The following SSC4D variants were observed in gnomAD, a reference collection of about 807,000 sequenced individuals.
SSC4D encodes the protein scavenger receptor cysteine-rich domain-containing group B protein.
A neutral mutation model predicts 63.4 loss-of-function variants in SSC4D; 57 were observed. The ratio of observed to expected loss-of-function variants is 0.90; its 90% CI spans 0.73 to 1.12. The LOEUF is 1.12. SSC4D is among the 50% of genes most tolerant of loss of function. The pLI is 0.00. For synonymous variants in SSC4D, 352 were observed against 345.4 expected (o/e 1.02, Z -0.21); for missense variants, 791 against 806.4 (o/e 0.98, Z 0.23).
At chr7:76,403,369 G>A (rs10228911) in intron 2 of SSC4D, among the ~76,000 whole-genome samples, 39,597 of 137,026 alleles carry the variant, frequency 0.29, 5,511 homozygotes, top group East Asian at 0.43. Context: ...ACAGAGTCTC[G>A]CCCTGTCACT....
intron 9 of SSC4D, 141 bp downstream of exon 9, chr7:76,393,264 G>A: frequency 8.0e-6 from 7 of 874,348 alleles, no homozygotes; most frequent in Non-Finnish European, 1.0e-5. Flanking sequence ...GGCGCACGGC[G>A]GGGCGGCGCC....
chr7:76,397,630 C>G lies in SSC4D; in HGVS notation c.756G>C (p.Leu252=), dbSNP rs1804681409. Residue 252 remains leucine (L), a synonymous_variant, in exon 6 of 11, where the codon CTG becomes CTC. Transcript: ENST00000275560. ...AFFGYGTGHI[L]LDNVHCEGGE... ...CGCCTTCGCAGTGCACGTTGTCCAG[C>G]AGGATGTGTCCGGTGCCATAGCCGA... 1 of 1,613,436 alleles carries G rather than the reference C, an allele frequency of 6.2e-7. No homozygotes were observed. Among genetic ancestry groups the G allele is most frequent in the Non-Finnish European group, 8.5e-7 (1 of 1,179,806 alleles).
intron 4 of SSC4D, among the ~76,000 whole-genome samples, chr7:76,399,201 T>C (rs1437971978): frequency 6.6e-6 from 1 of 151,908 alleles, no homozygotes; most frequent in Non-Finnish European, 1.5e-5. Flanking sequence ...TTAGTAGAGA[T>C]GGGGTTTCAC....
chr7:76,392,076 C>T lies in SSC4D; in HGVS notation c.1334-35G>A, dbSNP rs761001173. On this transcript the variant is annotated intron_variant, in intron 9 of 10. Transcript: ENST00000275560. ...GAAGGACAGAGATAAAGAGGTGGCTCTCACAATGGGAAGCATGTTCCTTAG... is the reference window on the plus strand; with the variant it reads ...GAAGGACAGAGATAAAGAGGTGGCTTTCACAATGGGAAGCATGTTCCTTAG... 3.2e-6 allele frequency: 5 copies of T among 1,550,200 alleles called. No individual in the cohort carries two copies. The Admixed American group carries it at 7.8e-5, about 24-fold the overall frequency.
intron 1 of SSC4D, among the ~76,000 whole-genome samples, chr7:76,405,274 TATATATATATATATATATATATATATA>T (rs1804965042): frequency 9.4e-5 from 2 of 21,250 alleles, no homozygotes; most frequent in Non-Finnish European, 1.6e-4. Context: ...CAGCTAATTA[TATATATATATATATATATATATATATA>T]TATATATATA....
Position 76,401,055 on chromosome 7 carries a change from T to A in SSC4D, c.134-12A>T. 1 of 1,543,276 alleles carries A rather than the reference T, an allele frequency of 6.5e-7. No homozygotes were observed. The highest frequency in any genetic ancestry group is 1.2e-5 in the South Asian group (1 of 83,056). ...CTGTAGGGCGCTGGCTGAAACAGAG[T>A]GAGGAAGAGCATTGGCCCCTCTGCC... On this transcript the variant is annotated splice_polypyrimidine_tract_variant and intron_variant, in intron 2 of 10. Transcript: ENST00000275560.
chr7:76,395,659 G>A (rs1311410032), intron 6 of SSC4D, among the ~76,000 whole-genome samples: 1 of 152,210 alleles, frequency 6.6e-6, no homozygotes, highest in Non-Finnish European at 1.5e-5. Context: ...CCATCAGGGA[G>A]GACCATACAC....
intron 7 of SSC4D, 147 bp from the exon 8 acceptor site, chr7:76,394,051 G>C: frequency 1.3e-6 from 1 of 742,802 alleles, no homozygotes; most frequent in Non-Finnish European, 2.1e-6. Flanking sequence ...CACGTTGTCT[G>C]GCGCGGGTTG....
chr7:76,408,016 C>T (rs1805096674), intron 1 of SSC4D, among the ~76,000 whole-genome samples: 1 of 152,146 alleles, frequency 6.6e-6, no homozygotes, highest in African/African-American at 2.4e-5. Context: ...CTGGGCTACT[C>T]TTGGTGTTGG....
At chr7:76,398,054 A>AGGACTGGGAAG in intron 5 of SSC4D, among the ~76,000 whole-genome samples, 1 of 152,216 alleles carries the variant, frequency 6.6e-6, no homozygotes, top group Admixed American at 6.5e-5. Flanking sequence ...GTCTCCTGGC[A>AGGACTGGGAAG]GCCTGGGACG....
intron 6 of SSC4D, among the ~76,000 whole-genome samples, chr7:76,396,185 C>G (rs1234860053): frequency 6.6e-6 from 1 of 152,162 alleles, no homozygotes; most frequent in Non-Finnish European, 1.5e-5. Context: ...AGGACTCACT[C>G]GACTCAGGAG....
intron 1 of SSC4D, 78 bp from the exon 2 acceptor site, chr7:76,404,583 G>T: frequency 7.8e-7 from 1 of 1,280,528 alleles, no homozygotes; most frequent in South Asian, 1.3e-5. Context: ...CTTGCACCCA[G>T]GGGTTTGAGA....
In SSC4D at chr7:76,389,997, C is replaced by T; in HGVS notation, c.*62G>A. 2 of 1,603,738 alleles carry T rather than the reference C, an allele frequency of 1.2e-6. No individual in the cohort carries two copies. The highest frequency in any genetic ancestry group is 1.7e-6 in the Non-Finnish European group (2 of 1,173,606). ...TGTAGTCATCACAAGAGGAGGGCTT[C>T]CTGGAGGAGGAAGGGAGGTCACAGC... On this transcript the variant is annotated 3_prime_UTR_variant, in exon 11 of 11. Coordinates refer to ENST00000275560, the MANE Select transcript of SSC4D (RefSeq NM_080744.2).
chr7:76,394,768 T>TATATATATATATATATATATAA (rs1554621451), intron 7 of SSC4D, among the ~76,000 whole-genome samples: 136 of 122,088 alleles, frequency 1.1e-3, no homozygotes, highest in African/African-American at 4.5e-3. Flanking sequence ...TATATATATA[T>TATATATATATATATATATATAA]AAAATATGTA....
intron 10 of SSC4D, 112 bp from the exon 11 acceptor site, chr7:76,390,487 G>A: frequency 2.1e-6 from 2 of 975,404 alleles, no homozygotes; most frequent in Non-Finnish European, 2.9e-6. Flanking sequence ...ACTGCCCTAG[G>A]AGCCGCTAGA....
intron 9 of SSC4D, 129 bp downstream of exon 9, chr7:76,393,276 C>T: frequency 2.0e-6 from 2 of 1,017,782 alleles, no homozygotes; most frequent in Non-Finnish European, 1.3e-6. Flanking sequence ...GGCGGCGCCC[C>T]TCTGCGGAGT....
chr7:76,404,227 T>C (rs11773646), intron 2 of SSC4D, 80 bp downstream of exon 2: 281,436 of 1,450,120 alleles, frequency 0.19, 29,250 homozygotes, highest in Middle Eastern at 0.23. Context: ...TTCACAACCC[T>C]CCTCCTACTA....
rs886228084 is a variant in SSC4D, at chr7:76,404,752, C to G, written c.-66-247G>C. Among the ~76,000 whole-genome samples, 7 of 151,230 alleles carry G rather than the reference C, an allele frequency of 4.6e-5. No homozygotes were observed. In the South Asian group the frequency reaches 1.5e-3, roughly 32 times the overall value. On this transcript the variant is annotated intron_variant, in intron 1 of 10. Coordinates refer to ENST00000275560, the MANE Select transcript of SSC4D (RefSeq NM_080744.2). ...TCGAGATATAGCCTGGGTAACATGG[C>G]GAAAACCTGTCTGTTACCAAAAAAT...
rs985440018 is a variant in SSC4D, at chr7:76,393,330, C to T, written c.1333+75G>A. Reference sequence around the variant, plus strand: ...GCAGTGCCGCAAGAGAGGCCTCGCGCGTGGCGCCGCCCCGCCCCTCCCACG... The same window carrying T: ...GCAGTGCCGCAAGAGAGGCCTCGCGTGTGGCGCCGCCCCGCCCCTCCCACG... On this transcript the variant is annotated intron_variant, in intron 9 of 10. Coordinates refer to ENST00000275560, the MANE Select transcript of SSC4D (RefSeq NM_080744.2). 8.6e-6 allele frequency: 11 copies of T among 1,275,116 alleles called. No individual in the cohort carries two copies. The African/African-American group carries it at 1.1e-4, about 13-fold the overall frequency. The allele number at this position is 1,275,116 out of a possible 1,614,324, so 79.0% of individuals were successfully genotyped here.
Sources: gnomAD v4.1 joint callset for allele counts (sites outside exome capture counted in the v4.1 genomes callset) on GRCh38, gnomAD v4.1.1 for gene constraint, MANE v1.5 for transcripts, NCBI Gene and HGNC (gene_info 2026-07-23, HGNC 2026-07-21) for gene names.